NHSL2: variants seen among roughly 807,000 people sequenced by gnomAD.
The protein encoded by NHSL2 is NHS like 2.
Under a neutral mutation model 53.4 loss-of-function variants are expected in NHSL2, and 27 were observed. That is an observed-to-expected ratio of 0.51 (90% CI 0.37 to 0.70). The LOEUF (loss-of-function observed/expected upper bound fraction) is 0.70. Ranked by LOEUF, NHSL2 falls within the 30% of genes least tolerant of loss-of-function variation. The probability of loss-of-function intolerance (pLI) is 0.00; values close to 1 mark genes in which losing one functional copy is unlikely to be tolerated. For missense variants in NHSL2, 892 were observed against 980.1 expected, an observed-to-expected ratio of 0.91 and a Z score of 1.20; for synonymous variants, 408 against 404.1, an observed-to-expected ratio of 1.01 and a Z score of -0.12.
intron 7 of NHSL2, 79 bp from the exon 8 acceptor site, chrX:72,143,174 T>C (rs1312344040): frequency 5.8e-6 from 4 of 695,087 alleles, no homozygotes; most frequent in Non-Finnish European, 8.4e-6. Flanking sequence ...CTGGATTGTG[T>C]CACAGGCATG....
intron 1 of NHSL2, among the ~76,000 whole-genome samples, chrX:71,950,741 T>TAGAC (rs1271912036): frequency 2.7e-5 from 3 of 111,799 alleles, no homozygotes; most frequent in East Asian, 5.6e-4. Context: ...TGGCTGGACT[T>TAGAC]AGACAGCTCT....
At chrX:71,917,576 G>T (rs1343925063) in intron 1 of NHSL2, among the ~76,000 whole-genome samples, 1 of 110,564 alleles carries the variant, frequency 9.0e-6, no homozygotes. Flanking sequence ...CCACAGTCCA[G>T]TGGGGAGAAC....
chrX:72,058,343 A>T (rs888381427), intron 1 of NHSL2, among the ~76,000 whole-genome samples: 7 of 109,680 alleles, frequency 6.4e-5, no homozygotes, highest in Admixed American at 9.6e-5. Context: ...CTTTTTTTTT[A>T]AATTGTTATT....
chrX:72,062,984 G>T (rs942102377), intron 1 of NHSL2, among the ~76,000 whole-genome samples: 4 of 111,657 alleles, frequency 3.6e-5, no homozygotes, highest in Non-Finnish European at 5.7e-5. Flanking sequence ...AACTAAATGG[G>T]GCTCAAAATG....
At chrX:72,126,118 G>C (rs1356190484) in intron 1 of NHSL2, among the ~76,000 whole-genome samples, 1 of 111,985 alleles carries the variant, frequency 8.9e-6, no homozygotes, top group East Asian at 2.8e-4. Context: ...GTTGGCGAAA[G>C]TCCCTGGCAC....
At chrX:71,980,559 GGGTGTGT>G (rs747721872) in intron 1 of NHSL2, among the ~76,000 whole-genome samples, 5 of 14,736 alleles carry the variant, frequency 3.4e-4, no homozygotes, top group African/African-American at 1.0e-3. Context: ...TGTGTGTGTG[GGGTGTGT>G]GGGGTGTGTG....
At chrX:72,096,559 C>A (rs983336175) in intron 1 of NHSL2, among the ~76,000 whole-genome samples, 1 of 112,066 alleles carries the variant, frequency 8.9e-6, no homozygotes, top group Non-Finnish European at 1.9e-5. Context: ...TTATGTTGAA[C>A]GCAGAATTCC....
At chrX:72,085,846 G>T (rs750963883) in intron 1 of NHSL2, among the ~76,000 whole-genome samples, 1 of 108,079 alleles carries the variant, frequency 9.3e-6, no homozygotes, top group East Asian at 2.9e-4. Context: ...CGTATGCTGC[G>T]CCCTCTCCCC....
intron 1 of NHSL2, among the ~76,000 whole-genome samples, chrX:72,069,216 TGA>T (rs1442751990): frequency 9.0e-6 from 1 of 111,469 alleles, no homozygotes; most frequent in African/African-American, 3.3e-5. Flanking sequence ...ATGACAGCAC[TGA>T]GAGCAGAGAC....
At chrX:72,141,203 C>T (rs150348057) in intron 6 of NHSL2, 6 of 125,274 alleles carry the variant, frequency 4.8e-5, no homozygotes, top group African/African-American at 1.9e-4. Flanking sequence ...AGTTCAAGTG[C>T]CATGGCAGGC....
Position 72,143,357 on chromosome X carries a change from G to A in NHSL2, c.3461G>A (p.Ser1154Asn), listed in dbSNP as rs2042434822. The A allele has an allele frequency of 1.7e-6, 2 of 1,165,008 alleles. No homozygotes were observed. Among genetic ancestry groups the A allele is most frequent in the Non-Finnish European group, 2.3e-6 (2 of 872,016 alleles). The change falls in exon 8 of 8, where the codon AGT (serine) becomes AAT (asparagine). Residue 1154 changes from serine to asparagine, a missense_variant. By Grantham distance (46) the Ser-to-Asn change is conservative. Coordinates refer to ENST00000633930, the MANE Select transcript of NHSL2 (RefSeq NM_001013627.3). ...PIKNTAESPI[S>N]ESTATAGSGS... ...AAGAACACAGCTGAGTCTCCAATCAGTGAGTCTACCGCCACTGCAGGGTCA... is the reference window on the plus strand; with the variant it reads ...AAGAACACAGCTGAGTCTCCAATCAATGAGTCTACCGCCACTGCAGGGTCA...
chrX:72,056,571 C>A (rs952589253), intron 1 of NHSL2, among the ~76,000 whole-genome samples: 1 of 112,068 alleles, frequency 8.9e-6, no homozygotes, highest in Non-Finnish European at 1.9e-5. Context: ...CACACACACA[C>A]ACACACACGC....
intron 1 of NHSL2, chrX:72,130,457 G>C (rs2042279358): frequency 1.7e-6 from 2 of 1,206,739 alleles, no homozygotes; most frequent in African/African-American, 3.5e-5. Context: ...CGCTTCCTCT[G>C]GTCCTTGGAG....
rs1020702889 is a variant in NHSL2 at position 72,150,130 on chromosome X, T to C, written c.*6556T>C. On this transcript the variant is annotated 3_prime_UTR_variant, in exon 8 of 8. Coordinates refer to ENST00000633930, the MANE Select transcript of NHSL2 (RefSeq NM_001013627.3). ...TTAATTCATTAATCCAAAGACAAAT[T>C]GGATTTTCAGTTTATAAACATTAGT... The C allele has an allele frequency of 3.5e-5, 4 of 112,825 alleles. No individual in the cohort carries two copies. Among genetic ancestry groups the C allele is most frequent in the African/African-American group, 1.3e-4 (4 of 31,054 alleles). 9.3% of individuals were successfully genotyped at this position (112,825 alleles called of 1,213,427 possible). A position where few individuals can be genotyped will look rare whatever the true frequency, so the allele number is the denominator to read the frequency against.
At chrX:72,064,297 T>C (rs1308284188) in intron 1 of NHSL2, among the ~76,000 whole-genome samples, 1 of 111,700 alleles carries the variant, frequency 9.0e-6, no homozygotes, top group Non-Finnish European at 1.9e-5. Context: ...TTATGGAACT[T>C]GCACCTGGAA....
intron 1 of NHSL2, chrX:72,045,029 C>T: frequency 2.1e-6 from 1 of 477,085 alleles, no homozygotes; most frequent in Non-Finnish European, 3.6e-6. Flanking sequence ...GCATAGCATG[C>T]TAGAAGCCCC....
intron 6 of NHSL2, chrX:72,141,092 T>C (rs1327850585): frequency 1.1e-5 from 2 of 188,488 alleles, no homozygotes; most frequent in African/African-American, 6.0e-5. Context: ...TAGCCAAGCA[T>C]GCATCCTGTC....
intron 1 of NHSL2, among the ~76,000 whole-genome samples, chrX:72,102,149 T>C (rs2041999574): frequency 1.8e-5 from 2 of 112,624 alleles, no homozygotes; most frequent in South Asian, 7.2e-4. Context: ...GCTTTGGATA[T>C]TGTCTTTGTT....
chrX:72,127,014 C>T (rs1293606179), intron 1 of NHSL2: 1 of 111,827 alleles, frequency 8.9e-6, no homozygotes, highest in Non-Finnish European at 1.9e-5. Flanking sequence ...GATTTCAAGA[C>T]TTCAGGGTAG....
Sources: gnomAD v4.1 joint callset for allele counts (sites outside exome capture counted in the v4.1 genomes callset) on GRCh38, gnomAD v4.1.1 for gene constraint, MANE v1.5 for transcripts, NCBI Gene and HGNC (gene_info 2026-07-23, HGNC 2026-07-21) for gene names.